Variants in STX8 observed in about 807,000 individuals in gnomAD.
STX8 encodes the protein syntaxin-8.
In STX8, 23 loss-of-function variants were observed where a neutral mutation model predicts 37.5. That is an observed-to-expected ratio of 0.61 (90% CI 0.44 to 0.87). STX8 has a LOEUF of 0.87. STX8 is among the 40% of genes least tolerant of loss of function. The pLI is 0.00. For synonymous variants in STX8, 115 were observed against 99.1 expected, an observed-to-expected ratio of 1.16 and a Z score of -0.95; for missense variants, 313 against 284.7, an observed-to-expected ratio of 1.10 and a Z score of -0.71.
chr17:9,378,560 GCTGA>G lies in STX8; in HGVS notation c.631_634del (p.Ser211ProfsTer5), dbSNP rs1169406843. On this transcript the variant is annotated frameshift_variant, in exon 7 of 8. Transcript: ENST00000306357. LOFTEE classifies it high-confidence loss of function. ...ACGTAGCTATCTCTTACCACAAGAG[GCTGA>G]CTTTCTGTCCACCATGTTTACCCGC... is the stretch of plus-strand genomic sequence containing the variant. The G allele has an allele frequency of 1.2e-6, 2 of 1,613,372 alleles. No individual in the cohort carries two copies. The highest frequency in any genetic ancestry group is 1.7e-5 in the Admixed American group (1 of 59,996).
chr17:9,509,953 C>T (rs1904970405), intron 4 of STX8, among the ~76,000 whole-genome samples: 1 of 151,650 alleles, frequency 6.6e-6, no homozygotes, highest in Non-Finnish European at 1.5e-5. Flanking sequence ...TCTACGCAAA[C>T]AAAAACCAAA....
intron 7 of STX8, among the ~76,000 whole-genome samples, chr17:9,362,840 A>AAAAATAAAT (rs1555601151): frequency 0.01 from 1,187 of 115,444 alleles, 25 homozygotes; most frequent in African/African-American, 0.034. Context: ...AAAAAAAAAA[A>AAAAATAAAT]AAATAAATAA....
chr17:9,529,946 T>C (rs993450745), intron 4 of STX8, among the ~76,000 whole-genome samples: 4 of 151,990 alleles, frequency 2.6e-5, no homozygotes, highest in Admixed American at 6.6e-5. Flanking sequence ...CATCAGTGAA[T>C]AGCCACTCTA....
chr17:9,315,600 T>C (rs1300950331), intron 7 of STX8, among the ~76,000 whole-genome samples: 1 of 152,226 alleles, frequency 6.6e-6, no homozygotes, highest in African/African-American at 2.4e-5. Context: ...ATGTTGACTA[T>C]GTATATTTAG....
At chr17:9,337,410 A>G (rs1273499116) in intron 7 of STX8, among the ~76,000 whole-genome samples, 2 of 152,096 alleles carry the variant, frequency 1.3e-5, no homozygotes, top group Non-Finnish European at 1.5e-5. Context: ...ATCGAGTCTC[A>G]TTCTGTTGCC....
chr17:9,442,529 C>T (rs1904704284), intron 6 of STX8, among the ~76,000 whole-genome samples: 1 of 152,182 alleles, frequency 6.6e-6, no homozygotes, highest in Non-Finnish European at 1.5e-5. Context: ...GCCTCAGCCT[C>T]TCAAGTAGCT....
At chr17:9,559,856 G>C (rs1483947868) in intron 2 of STX8, among the ~76,000 whole-genome samples, 4 of 36 alleles carry the variant, frequency 0.11, no homozygotes, top group Non-Finnish European at 0.22. Flanking sequence ...TCCGCCTCCC[G>C]TTTTAAGCGA....
At chr17:9,384,181 T>G (rs1911913575) in intron 6 of STX8, among the ~76,000 whole-genome samples, 1 of 152,128 alleles carries the variant, frequency 6.6e-6, no homozygotes, top group South Asian at 2.1e-4. Flanking sequence ...CACGGTATTT[T>G]AAAGATACTG....
intron 6 of STX8, among the ~76,000 whole-genome samples, chr17:9,477,039 G>A (rs1010625359): frequency 1.3e-5 from 2 of 151,972 alleles, no homozygotes; most frequent in African/African-American, 2.4e-5. Flanking sequence ...ATTATTTCTT[G>A]TAGAGATGGG....
intron 6 of STX8, among the ~76,000 whole-genome samples, chr17:9,465,338 T>C (rs1023667113): frequency 6.6e-6 from 1 of 152,128 alleles, no homozygotes; most frequent in Non-Finnish European, 1.5e-5. Context: ...TAGCTGAAAA[T>C]GGCAACGTGC....
chr17:9,341,437 TTTTG>T (rs1307347542), intron 7 of STX8, among the ~76,000 whole-genome samples: 8 of 152,058 alleles, frequency 5.3e-5, no homozygotes, highest in Admixed American at 2.0e-4. Flanking sequence ...GACATGACTT[TTTTG>T]TTTGTTTGTT....
intron 7 of STX8, among the ~76,000 whole-genome samples, chr17:9,256,295 G>A (rs1188484594): frequency 6.6e-6 from 1 of 152,170 alleles, no homozygotes; most frequent in Non-Finnish European, 1.5e-5. Flanking sequence ...ATCCTGATTC[G>A]AGACAGTGTG....
intron 6 of STX8, among the ~76,000 whole-genome samples, chr17:9,469,415 C>G (rs9910019): frequency 0.17 from 25,358 of 152,072 alleles, 2,269 homozygotes; most frequent in African/African-American, 0.21. Context: ...ATGTCTCTTT[C>G]TCTTCCTTTC....
intron 6 of STX8, among the ~76,000 whole-genome samples, chr17:9,438,262 C>T (rs1300797217): frequency 6.8e-6 from 1 of 147,070 alleles, no homozygotes; most frequent in Non-Finnish European, 1.5e-5. Context: ...AAAAAAAAGG[C>T]CATTTCTACT....
chr17:9,524,627 T>C (rs1439426812), intron 4 of STX8, among the ~76,000 whole-genome samples: 1 of 152,156 alleles, frequency 6.6e-6, no homozygotes, highest in African/African-American at 2.4e-5. Flanking sequence ...ATGCATACCA[T>C]TCAAGACATA....
intron 6 of STX8, among the ~76,000 whole-genome samples, chr17:9,413,024 T>C (rs1400890933): frequency 6.6e-6 from 1 of 152,158 alleles, no homozygotes; most frequent in Non-Finnish European, 1.5e-5. Context: ...TGTTAGGCAT[T>C]GGGCTAAGTC....
intron 6 of STX8, among the ~76,000 whole-genome samples, chr17:9,436,481 T>C (rs1904437659): frequency 6.6e-6 from 1 of 152,174 alleles, no homozygotes; most frequent in East Asian, 1.9e-4. Context: ...TCTGGGCATC[T>C]AAAATGATTC....
At chr17:9,341,101 G>A (rs1211273343) in intron 7 of STX8, among the ~76,000 whole-genome samples, 2 of 151,190 alleles carry the variant, frequency 1.3e-5, no homozygotes, top group East Asian at 3.9e-4. Flanking sequence ...CACCTTTAAA[G>A]TATCATGTGG....
intron 6 of STX8, among the ~76,000 whole-genome samples, chr17:9,457,368 C>T (rs1348804622): frequency 6.6e-6 from 1 of 152,186 alleles, no homozygotes; most frequent in Non-Finnish European, 1.5e-5. Flanking sequence ...GCTTGTGGCC[C>T]CTTCTATCTT....
Sources: gnomAD v4.1 joint callset for allele counts (sites outside exome capture counted in the v4.1 genomes callset) on GRCh38, gnomAD v4.1.1 for gene constraint, MANE v1.5 for transcripts, NCBI Gene and HGNC (gene_info 2026-07-23, HGNC 2026-07-21) for gene names.